Variants in BSN observed in about 807,000 individuals in gnomAD.
BSN encodes the protein protein bassoon.
A neutral mutation model predicts 264.8 loss-of-function variants in BSN; 57 were observed. The observed-to-expected ratio is 0.22, with a 90% CI of 0.17 to 0.27. BSN has a LOEUF of 0.27. Among genes scored for constraint, BSN ranks in the 10% least tolerant of loss-of-function variants. BSN has a pLI of 1.00. For synonymous variants in BSN, 2,059 were observed against 2,137.3 expected, an observed-to-expected ratio of 0.96 and a Z score of 1.01; for missense variants, 4,615 against 5,232.5, an observed-to-expected ratio of 0.88 and a Z score of 3.64.
intron 1 of BSN, among the ~76,000 whole-genome samples, chr3:49,569,218 C>T (rs901601184): frequency 1.3e-5 from 2 of 151,956 alleles, no homozygotes; most frequent in Non-Finnish European, 2.9e-5. Flanking sequence ...GTATTCAAGT[C>T]TGGGTTGGAA....
chr3:49,591,386 C>T (rs1004876355), intron 1 of BSN, among the ~76,000 whole-genome samples: 2 of 152,168 alleles, frequency 1.3e-5, no homozygotes, highest in East Asian at 1.9e-4. Context: ...TTGTACTTAC[C>T]TACCTAATTA....
At chr3:49,605,506 A>ATT (rs2052114790) in intron 1 of BSN, among the ~76,000 whole-genome samples, 1 of 5,218 alleles carries the variant, frequency 1.9e-4, no homozygotes, top group African/African-American at 7.7e-4. Context: ...TATAATATAT[A>ATT]TTATATAATA....
In BSN at chr3:49,660,557, G is replaced by A. The variant is rs945245814; in HGVS notation, c.8712G>A (p.Glu2904=). Reference sequence around the variant, plus strand: ...CACTGCCCAGCCCCCCTCCAGAGGAGGCTCACCTTCCCCTGGCTGGCCAGG... The same window carrying A: ...CACTGCCCAGCCCCCCTCCAGAGGAAGCTCACCTTCCCCTGGCTGGCCAGG... ...KRTLPSPPPE[E]AHLPLAGQAS... Residue 2904 remains glutamate, a synonymous_variant, in exon 6 of 12, where the codon GAG becomes GAA. Coordinates refer to ENST00000296452, the MANE Select transcript of BSN (RefSeq NM_003458.4). This position sits in a 1 kb window ranked among gnomAD's most constrained non-coding sequence, Gnocchi z 7.1. 2 of 1,597,012 alleles carry A rather than the reference G, an allele frequency of 1.3e-6. No individual in the cohort carries two copies. The highest frequency in any genetic ancestry group is 1.7e-6 in the Non-Finnish European group (2 of 1,169,990).
intron 1 of BSN, among the ~76,000 whole-genome samples, chr3:49,577,861 GT>G (rs1559596456): frequency 6.6e-6 from 1 of 152,062 alleles, no homozygotes; most frequent in Non-Finnish European, 1.5e-5. Context: ...TTAATCTTTA[GT>G]TTTCTTGGAA....
intron 1 of BSN, among the ~76,000 whole-genome samples, chr3:49,609,854 G>C (rs2052190817): frequency 6.6e-6 from 1 of 152,182 alleles, no homozygotes; most frequent in African/African-American, 2.4e-5. Context: ...GGATGCCCTT[G>C]CAGGCCCCGG....
At position 49,576,549 on chromosome 3, in the gene BSN, T is replaced by TGATTCTTCTGCCTCAGCTGCCTCAGCC. The variant is rs1400067608; in HGVS notation, c.224+21723_224+21724insGATTCTTCTGCCTCAGCTGCCTCAGCC. Among the ~76,000 whole-genome samples the TGATTCTTCTGCCTCAGCTGCCTCAGCC allele has an allele frequency of 2.6e-5, 4 of 151,954 alleles. No individual in the cohort carries two copies. In the East Asian group the frequency reaches 7.8e-4, roughly 29 times the overall value. On this transcript the variant is annotated intron_variant, in intron 1 of 11. Coordinates refer to ENST00000296452, the MANE Select transcript of BSN (RefSeq NM_003458.4). ...GATTCTTCTGCCTCAGCCTCCCAAG[T>TGATTCTTCTGCCTCAGCTGCCTCAGCC]AGCTAGGATTACAGGCACCCACCAT...
intron 1 of BSN, among the ~76,000 whole-genome samples, chr3:49,580,978 CTT>C (rs71080537): frequency 2.1e-5 from 3 of 143,904 alleles, no homozygotes; most frequent in African/African-American, 5.1e-5. Flanking sequence ...CGCCTGTTAA[CTT>C]TTTTTTTTTT....
intron 1 of BSN, among the ~76,000 whole-genome samples, chr3:49,613,016 C>A (rs2052220197): frequency 6.6e-6 from 1 of 152,048 alleles, no homozygotes; most frequent in African/African-American, 2.4e-5. Context: ...GCCTATAATC[C>A]CAGCTACTTG....
chr3:49,635,093 T>C (rs1241673563), intron 2 of BSN, among the ~76,000 whole-genome samples: 1 of 152,020 alleles, frequency 6.6e-6, no homozygotes. Flanking sequence ...GGGTAGGAGA[T>C]GGAGATAGAG....
In BSN at chr3:49,661,622, A is replaced by G. The variant is rs745726954; in HGVS notation, c.9777A>G (p.Pro3259=). 7 of 1,613,500 alleles carry G rather than the reference A, an allele frequency of 4.3e-6. No individual in the cohort carries two copies. In the African/African-American group the frequency reaches 9.3e-5, roughly 22 times the overall value. The stretch of plus-strand genomic sequence containing the variant: ...GCCAACGGCTGGAGCCCCTGGGGCC[A>G]GGCAGCAGTGGGCGTCCAGGGAAGG... ...PDSQRLEPLG[P]GSSGRPGKEP... is the part of the protein sequence containing the mutation. Residue 3259 remains proline (P), a synonymous_variant, in exon 6 of 12, where the codon CCA becomes CCG. Transcript: ENST00000296452.
rs2052618202 is a variant in BSN, at chr3:49,657,474, G to A, written c.7918G>A (p.Gly2640Ser). The A allele has an allele frequency of 1.2e-6, 2 of 1,613,072 alleles. No homozygotes were observed. The highest frequency in any genetic ancestry group is 3.3e-5 in the Admixed American group (2 of 60,004). The stretch of plus-strand genomic sequence containing the variant: ...TCGTCTTCCCCGCCACTCAGACTCA[G>A]GCTCTGACAGCAAGCACGATGCCAC... ...RSRLPRHSDS[G>S]SDSKHDATAS... is the part of the protein sequence containing the mutation. Residue 2640 changes from glycine (G) to serine (S), a missense_variant, in exon 5 of 12, where the codon GGC becomes AGC. Transcript: ENST00000296452.
chr3:49,638,278 A>G lies in BSN; in HGVS notation c.634-3990A>G, dbSNP rs1284091544. ...GGCACTCAGGCCAGTGGAGTCTGCC[A>G]CAGAACTATTCATGTATACCCAGGC... On this transcript the variant is annotated intron_variant, in intron 2 of 11. Transcript: ENST00000296452. This position sits in a 1 kb window ranked among gnomAD's most constrained non-coding sequence, Gnocchi z 4.3. Among the ~76,000 whole-genome samples the G allele has an allele frequency of 7.0e-6, 1 of 142,898 alleles. No homozygotes were observed. Among genetic ancestry groups the G allele is most frequent in the Non-Finnish European group, 1.5e-5 (1 of 65,760 alleles). 93.7% of individuals were successfully genotyped at this position (142,898 alleles called of 152,430 possible).
intron 1 of BSN, among the ~76,000 whole-genome samples, chr3:49,572,550 T>A (rs190248743): frequency 7.0e-4 from 107 of 152,314 alleles, no homozygotes; most frequent in Non-Finnish European, 1.4e-3. Context: ...TTTCTTTTTT[T>A]TGAGACGGTG....
At chr3:49,616,684 A>T (rs897199139) in intron 1 of BSN, among the ~76,000 whole-genome samples, 1 of 152,080 alleles carries the variant, frequency 6.6e-6, no homozygotes, top group African/African-American at 2.4e-5. Flanking sequence ...TCTGGTCTGA[A>T]TCAGCCTGGT....
chr3:49,597,757 C>T (rs1462794778), intron 1 of BSN, among the ~76,000 whole-genome samples: 1 of 152,086 alleles, frequency 6.6e-6, no homozygotes, highest in Non-Finnish European at 1.5e-5. Context: ...ATTCTCTTGC[C>T]TCAGCCTCCC....
intron 2 of BSN, among the ~76,000 whole-genome samples, chr3:49,627,273 C>T (rs1184273453): frequency 6.6e-6 from 1 of 152,190 alleles, no homozygotes; most frequent in Non-Finnish European, 1.5e-5. Context: ...ATCTTAGGAG[C>T]TGCTGTTCCA....
intron 1 of BSN, among the ~76,000 whole-genome samples, chr3:49,615,745 G>A (rs1053353695): frequency 1.3e-5 from 2 of 152,216 alleles, no homozygotes; most frequent in African/African-American, 4.8e-5. Flanking sequence ...GGACAATCAG[G>A]AAGCTGATGA....
At chr3:49,613,520 G>T (rs1458920177) in intron 1 of BSN, among the ~76,000 whole-genome samples, 2 of 151,438 alleles carry the variant, frequency 1.3e-5, no homozygotes, top group Non-Finnish European at 2.9e-5. Context: ...TTGAGACAGA[G>T]TTTTTGCTCT....
intron 1 of BSN, among the ~76,000 whole-genome samples, chr3:49,618,922 A>G (rs1263035878): frequency 1.3e-5 from 2 of 152,236 alleles, no homozygotes; most frequent in African/African-American, 4.8e-5. Context: ...TTTTAATTAA[A>G]TATTAAATGA....
Sources: gnomAD v4.1 joint callset for allele counts (sites outside exome capture counted in the v4.1 genomes callset) on GRCh38, gnomAD v4.1.1 for gene constraint, Gnocchi (gnomAD v3.1) non-coding constraint, MANE v1.5 for transcripts, NCBI Gene and HGNC (gene_info 2026-07-23, HGNC 2026-07-21) for gene names.